The following FHIT variants were observed in gnomAD, a reference collection of about 807,000 sequenced individuals.
The protein encoded by FHIT is bis(5'-adenosyl)-triphosphatase.
Under a neutral mutation model 17.9 loss-of-function variants are expected in FHIT, and 19 were observed. That is an observed-to-expected ratio of 1.06 (90% CI 0.74 to 1.56). The LOEUF (loss-of-function observed/expected upper bound fraction) is 1.56. FHIT is among the 40% of genes most tolerant of loss of function. The probability of loss-of-function intolerance (pLI) is 0.00; values close to 1 mark genes in which losing one functional copy is unlikely to be tolerated. For missense variants in FHIT, 248 were observed against 189.2 expected (o/e 1.31, Z -1.82); for synonymous variants, 81 against 69.7 (o/e 1.16, Z -0.81).
At chr3:61,147,787 T>A (rs17064508) in intron 2 of FHIT, among the ~76,000 whole-genome samples, 34,902 of 151,868 alleles carry the variant, frequency 0.23, 4,466 homozygotes, top group East Asian at 0.41. Context: ...GGGAGAATCA[T>A]GGCAACTTAT....
Position 60,862,274 on chromosome 3 carries a change from G to A in FHIT, c.-110-40263C>T, listed in dbSNP as rs548841944. Among the ~76,000 whole-genome samples the A allele has an allele frequency of 3.3e-5, 5 of 152,096 alleles. No homozygotes were observed. In the Middle Eastern group the frequency reaches 0.014, roughly 414 times the overall value. On this transcript the variant is annotated intron_variant, in intron 3 of 9. Coordinates refer to ENST00000492590, the MANE Select transcript of FHIT (RefSeq NM_002012.4). ...GTTCACTGCAGCCTTGAACTCCTGG[G>A]CTCAAGTGATCATCCGTACTAGCTA...
At chr3:59,910,668 A>G (rs1704827617) in intron 8 of FHIT, among the ~76,000 whole-genome samples, 1 of 152,212 alleles carries the variant, frequency 6.6e-6, no homozygotes, top group South Asian at 2.1e-4. Context: ...GGGAGGAAGG[A>G]AAAAACAACA....
intron 4 of FHIT, among the ~76,000 whole-genome samples, chr3:60,776,967 G>A (rs1277898528): frequency 6.6e-6 from 1 of 152,134 alleles, no homozygotes; most frequent in Non-Finnish European, 1.5e-5. Flanking sequence ...GTATTATATG[G>A]TTTTTCTGTA....
chr3:60,461,713 A>G (rs759106042), intron 5 of FHIT, among the ~76,000 whole-genome samples: 5 of 152,084 alleles, frequency 3.3e-5, no homozygotes, highest in Non-Finnish European at 5.9e-5. Context: ...TTGGTCTCTC[A>G]CCCAATAGCC....
rs149735664 is a variant in FHIT, at chr3:60,096,691, G to C, written c.104-82539C>G. Among the ~76,000 whole-genome samples, 79 of 152,226 alleles carry C rather than the reference G, an allele frequency of 5.2e-4. No homozygotes were observed. The East Asian group carries it at 9.7e-3, about 19-fold the overall frequency. On this transcript the variant is annotated intron_variant, in intron 5 of 9. Coordinates refer to ENST00000492590, the MANE Select transcript of FHIT (RefSeq NM_002012.4). ...TTGGCAGATTTCTGTTTTGTTCTGT[G>C]TGTTTCCTTTCCTTCTCCCCAGTTC...
At chr3:61,037,060 C>T (rs1400946556) in intron 3 of FHIT, among the ~76,000 whole-genome samples, 1 of 152,048 alleles carries the variant, frequency 6.6e-6, no homozygotes, top group Non-Finnish European at 1.5e-5. Flanking sequence ...TACAGGCACC[C>T]GCCACTGCAC....
In FHIT at chr3:60,819,026, CTT is replaced by C. The variant is rs1701833333; in HGVS notation, c.-18+2891_-18+2892del. Among the ~76,000 whole-genome samples the C allele has an allele frequency of 3.5e-5, 5 of 143,948 alleles. No individual in the cohort carries two copies. The South Asian group carries it at 6.8e-4, about 19-fold the overall frequency. The allele number at this position is 143,948 out of a possible 152,430, so 94.4% of individuals were successfully genotyped here. On this transcript the variant is annotated intron_variant, in intron 4 of 9. Coordinates refer to ENST00000492590, the MANE Select transcript of FHIT (RefSeq NM_002012.4). Reference sequence around the variant, plus strand: ...TTCCAGGTAATTTCTTTTTTCTTTTCTTTTTTCTTTTCTTTTTTTTTTTTTTG... The same window carrying C: ...TTCCAGGTAATTTCTTTTTTCTTTTCTTTTCTTTTCTTTTTTTTTTTTTTG...
intron 5 of FHIT, among the ~76,000 whole-genome samples, chr3:60,150,295 C>A (rs1327151417): frequency 6.6e-6 from 1 of 152,078 alleles, no homozygotes; most frequent in Non-Finnish European, 1.5e-5. Context: ...CTGTGCCCGG[C>A]CTGCCTTTAA....
intron 5 of FHIT, among the ~76,000 whole-genome samples, chr3:60,174,548 C>T (rs1484855151): frequency 6.6e-6 from 1 of 151,444 alleles, no homozygotes; most frequent in African/African-American, 2.4e-5. Flanking sequence ...AACAGAAGTT[C>T]AGAGAGAAAA....
chr3:60,560,144 T>C (rs2036885556), intron 4 of FHIT, among the ~76,000 whole-genome samples: 1 of 152,056 alleles, frequency 6.6e-6, no homozygotes, highest in Non-Finnish European at 1.5e-5. Flanking sequence ...GTAGGTTCCA[T>C]TTGGGGGCAA....
chr3:60,254,372 G>T (rs1705877026), intron 5 of FHIT, among the ~76,000 whole-genome samples: 1 of 152,122 alleles, frequency 6.6e-6, no homozygotes, highest in South Asian at 2.1e-4. Context: ...GAAGATTTGT[G>T]AGTGGGCTTG....
intron 2 of FHIT, among the ~76,000 whole-genome samples, chr3:61,126,531 T>C (rs1486561655): frequency 6.6e-6 from 1 of 152,000 alleles, no homozygotes; most frequent in East Asian, 1.9e-4. Context: ...TCAGATCTTG[T>C]GAGAACTCAC....
intron 4 of FHIT, among the ~76,000 whole-genome samples, chr3:60,613,058 G>A (rs569494156): frequency 1.3e-5 from 2 of 152,284 alleles, no homozygotes; most frequent in South Asian, 2.1e-4. Context: ...TTGCCTGCAG[G>A]AACATGCCTC....
At chr3:59,973,996 C>T (rs1178890866) in intron 7 of FHIT, among the ~76,000 whole-genome samples, 1 of 144,476 alleles carries the variant, frequency 6.9e-6, no homozygotes, top group African/African-American at 2.5e-5. Context: ...AAAAAAAAAA[C>T]CCACAAAACT....
chr3:60,735,756 T>C (rs1244832813), intron 4 of FHIT, among the ~76,000 whole-genome samples: 1 of 152,188 alleles, frequency 6.6e-6, no homozygotes, highest in Non-Finnish European at 1.5e-5. Context: ...ATCTTCTTAC[T>C]TTCATTAAGC....
chr3:60,167,184 T>C (rs1424978075), intron 5 of FHIT, among the ~76,000 whole-genome samples: 1 of 152,192 alleles, frequency 6.6e-6, no homozygotes, highest in Non-Finnish European at 1.5e-5. Flanking sequence ...TTTTTGGTAC[T>C]TGTGGAAATA....
At chr3:59,761,418 G>A (rs1005242418) in intron 8 of FHIT, among the ~76,000 whole-genome samples, 38 of 152,192 alleles carry the variant, frequency 2.5e-4, no homozygotes, top group African/African-American at 8.4e-4. Context: ...GGATAGTACT[G>A]AACCCTATGT....
chr3:60,994,195 T>C (rs1372527057), intron 3 of FHIT, among the ~76,000 whole-genome samples: 2 of 152,254 alleles, frequency 1.3e-5, no homozygotes, highest in African/African-American at 2.4e-5. Context: ...TTTTAAGTTA[T>C]GTATGTGGCT....
At chr3:60,970,290 C>A (rs908344528) in intron 3 of FHIT, among the ~76,000 whole-genome samples, 1 of 152,092 alleles carries the variant, frequency 6.6e-6, no homozygotes, top group Non-Finnish European at 1.5e-5. Flanking sequence ...ATGTCTGCTT[C>A]TTTTGGAATA....
Sources: allele counts gnomAD v4.1 joint callset (sites outside exome capture counted in the v4.1 genomes callset), GRCh38; gene constraint gnomAD v4.1.1; transcripts MANE v1.5; gene names NCBI Gene and HGNC (gene_info 2026-07-23, HGNC 2026-07-21).